ASIC2: variants seen among roughly 807,000 people sequenced by gnomAD.
The protein encoded by ASIC2 is acid-sensing ion channel 2.
Under a neutral mutation model 57.3 loss-of-function variants are expected in ASIC2, and 25 were observed. The observed-to-expected ratio is 0.44, with a 90% CI of 0.32 to 0.61. ASIC2 has a LOEUF of 0.61. Among genes scored for constraint, ASIC2 ranks in the 20% least tolerant of loss-of-function variants. The probability of loss-of-function intolerance (pLI) is 0.06; values close to 1 mark genes in which losing one functional copy is unlikely to be tolerated. For synonymous variants in ASIC2, 319 were observed against 307.5 expected, an observed-to-expected ratio of 1.04 and a Z score of -0.39; for missense variants, 641 against 738.1, an observed-to-expected ratio of 0.87 and a Z score of 1.52.
chr17:34,029,498 T>C (rs951222383), intron 1 of ASIC2, among the ~76,000 whole-genome samples: 2 of 152,292 alleles, frequency 1.3e-5, no homozygotes, highest in East Asian at 1.9e-4. Context: ...TCTCCTTGTA[T>C]TGGACTGAAT....
At chr17:33,482,689 G>C (rs1481753099) in intron 1 of ASIC2, among the ~76,000 whole-genome samples, 3 of 152,162 alleles carry the variant, frequency 2.0e-5, no homozygotes, top group African/African-American at 7.2e-5. Context: ...TCTAGGACTT[G>C]AACCCAGGTC....
intron 1 of ASIC2, among the ~76,000 whole-genome samples, chr17:34,155,127 A>C (rs936197387): frequency 1.4e-5 from 2 of 147,630 alleles, no homozygotes; most frequent in African/African-American, 2.5e-5. Context: ...CCCTCCCTGC[A>C]CCCCTCCTCC....
intron 3 of ASIC2, among the ~76,000 whole-genome samples, chr17:33,071,377 T>C (rs1220469547): frequency 6.6e-6 from 1 of 152,222 alleles, no homozygotes; most frequent in Non-Finnish European, 1.5e-5. Flanking sequence ...TCTTATCCAG[T>C]GTATTTTTAA....
chr17:33,046,381 A>G (rs1319092000), intron 3 of ASIC2, among the ~76,000 whole-genome samples: 3 of 152,222 alleles, frequency 2.0e-5, no homozygotes, highest in Admixed American at 1.3e-4. Flanking sequence ...AAAGTAGAGC[A>G]CATCTCAATG....
chr17:33,600,153 A>G lies in ASIC2; in HGVS notation c.556-488086T>C, dbSNP rs530702945. 1.1e-3 allele frequency among the ~76,000 whole-genome samples: 161 copies of G among 152,278 alleles called. 1 individual carries two copies. The Middle Eastern group carries it at 0.017, about 16-fold the overall frequency. On this transcript the variant is annotated intron_variant, in intron 1 of 9. Transcript: ENST00000359872. ...GGTAAGTCAGTTCCTGCCTCTCTTC[A>G]GAGGGAAACCCCAAAGGCCCTACTA...
At chr17:33,600,181 A>G (rs1299535095) in intron 1 of ASIC2, among the ~76,000 whole-genome samples, 3 of 152,124 alleles carry the variant, frequency 2.0e-5, no homozygotes, top group Admixed American at 2.0e-4. Context: ...CCCTACTATT[A>G]TTTGAATGTG....
At position 33,852,617 on chromosome 17, in the gene ASIC2, G is replaced by A. The variant is rs1337053221; in HGVS notation, c.555+303361C>T. Among the ~76,000 whole-genome samples the A allele has an allele frequency of 2.6e-5, 4 of 152,200 alleles. No homozygotes were observed. The East Asian group carries it at 7.7e-4, about 29-fold the overall frequency. On this transcript the variant is annotated intron_variant, in intron 1 of 9. Transcript: ENST00000359872. ...TTAAGTGACTTTTGTGACGAGTTAAGTGAGGAGTCAGCATTTGAGCTGAGG... is the reference window on the plus strand; with the variant it reads ...TTAAGTGACTTTTGTGACGAGTTAAATGAGGAGTCAGCATTTGAGCTGAGG...
chr17:34,012,248 G>C (rs765683776), intron 1 of ASIC2, among the ~76,000 whole-genome samples: 1 of 151,878 alleles, frequency 6.6e-6, no homozygotes, highest in Admixed American at 6.6e-5. Context: ...GAAATATCTC[G>C]ATGCCTCCAA....
At chr17:34,119,820 G>C (rs753266960) in intron 1 of ASIC2, among the ~76,000 whole-genome samples, 8 of 152,298 alleles carry the variant, frequency 5.3e-5, no homozygotes, top group Non-Finnish European at 1.0e-4. Context: ...CTGAGGATGG[G>C]ATTTGTGGAC....
At chr17:33,224,218 G>T (rs1907794081) in intron 1 of ASIC2, among the ~76,000 whole-genome samples, 1 of 152,224 alleles carries the variant, frequency 6.6e-6, no homozygotes, top group Non-Finnish European at 1.5e-5. Context: ...TCTCTGTCTT[G>T]TGTTAATTAT....
chr17:33,980,204 A>G (rs1011455007), intron 1 of ASIC2, among the ~76,000 whole-genome samples: 2 of 152,176 alleles, frequency 1.3e-5, no homozygotes, highest in Non-Finnish European at 2.9e-5. Flanking sequence ...TGCTGGGAGC[A>G]TGGTGGAAGG....
intron 1 of ASIC2, chr17:34,036,666 G>T (rs923001951): frequency 4.5e-5 from 6 of 132,984 alleles, no homozygotes; most frequent in Admixed American, 7.9e-5. Flanking sequence ...ATACTATATT[G>T]ATACTTTGAA....
intron 1 of ASIC2, among the ~76,000 whole-genome samples, chr17:33,934,141 C>T (rs1916006339): frequency 6.6e-6 from 1 of 152,174 alleles, no homozygotes; most frequent in East Asian, 1.9e-4. Context: ...GGCTGAGAAG[C>T]TGAACTTCCC....
At chr17:33,467,026 G>A (rs1597738941) in intron 1 of ASIC2, among the ~76,000 whole-genome samples, 1 of 152,310 alleles carries the variant, frequency 6.6e-6, no homozygotes, top group East Asian at 1.9e-4. Flanking sequence ...CTTCTGCACG[G>A]CAAAAGAAAC....
intron 1 of ASIC2, among the ~76,000 whole-genome samples, chr17:33,340,736 A>G (rs956151437): frequency 6.6e-6 from 1 of 152,048 alleles, no homozygotes; most frequent in African/African-American, 2.4e-5. Flanking sequence ...CGGGCTCTGT[A>G]TATGTGTGTC....
At chr17:33,194,295 A>T (rs1321090354) in intron 1 of ASIC2, among the ~76,000 whole-genome samples, 1 of 152,166 alleles carries the variant, frequency 6.6e-6, no homozygotes, top group African/African-American at 2.4e-5. Context: ...GCTGATCTCC[A>T]CATTCAAAAG....
chr17:33,584,358 G>A (rs1425619413), intron 1 of ASIC2, among the ~76,000 whole-genome samples: 3 of 152,140 alleles, frequency 2.0e-5, no homozygotes, highest in Non-Finnish European at 4.4e-5. Context: ...TTGTGGGGTG[G>A]CTAACAAGAG....
chr17:33,953,220 C>T lies in ASIC2; in HGVS notation c.555+202758G>A, dbSNP rs181826681. On this transcript the variant is annotated intron_variant, in intron 1 of 9. Transcript: ENST00000359872. The stretch of plus-strand genomic sequence containing the variant: ...CATTTCTCCTACCTTTTTATATACA[C>T]GTGCACACATATTACACATTTTCTA... Among the ~76,000 whole-genome samples the T allele has an allele frequency of 3.4e-3, 521 of 152,218 alleles. 2 individuals carry two copies. The highest frequency in any genetic ancestry group is 0.027 in the Middle Eastern group (8 of 294).
chr17:33,684,034 T>G lies in ASIC2; in HGVS notation c.555+471944A>C, dbSNP rs148810758. On this transcript the variant is annotated intron_variant, in intron 1 of 9. Coordinates refer to the ASIC2 transcript ENST00000359872. ...TGATAGAAAATCATTAGAATATCCA[T>G]ACATTTGCATATAGATTTTGCTTTT... 4.4e-3 allele frequency among the ~76,000 whole-genome samples: 666 copies of G among 152,344 alleles called. 5 individuals are homozygous for G. The highest frequency in any genetic ancestry group is 0.015 in the African/African-American group (640 of 41,572).
Sources: allele counts gnomAD v4.1 joint callset (sites outside exome capture counted in the v4.1 genomes callset), GRCh38; gene constraint gnomAD v4.1.1; transcripts MANE v1.5; gene names NCBI Gene and HGNC (gene_info 2026-07-23, HGNC 2026-07-21).